The following TOLLIP variants were observed in gnomAD, a reference collection of about 807,000 sequenced individuals.
The protein encoded by TOLLIP is toll-interacting protein.
TOLLIP carries 16 observed loss-of-function variants against 33.5 expected under a neutral mutation model. The ratio of observed to expected loss-of-function variants is 0.48; its 90% CI spans 0.32 to 0.72. The LOEUF is 0.72. Ranked by LOEUF, TOLLIP falls within the 30% of genes least tolerant of loss-of-function variation. The pLI, the probability that TOLLIP is intolerant of heterozygous loss-of-function variation, is 0.03. For missense variants in TOLLIP, 325 were observed against 396.6 expected (o/e 0.82, Z 1.53); for synonymous variants, 176 against 163.7 (o/e 1.07, Z -0.57).
Position 1,294,243 on chromosome 11 carries a change from GC to G in TOLLIP, c.183+1401del, listed in dbSNP as rs745333203. ...CTCCTTTCCCTGCATTTCTACGAAA[GC>G]CCGCGTGGCTCACAGTGTGTCTCCT... On this transcript the variant is annotated intron_variant, in intron 2 of 5. Transcript: ENST00000317204. 1.3e-4 allele frequency among the ~76,000 whole-genome samples: 17 copies of G among 128,488 alleles called. No homozygotes were observed. The East Asian group carries it at 1.4e-3, about 11-fold the overall frequency. The allele number at this position is 128,488 out of a possible 152,430, so 84.3% of individuals were successfully genotyped here.
intron 4 of TOLLIP, among the ~76,000 whole-genome samples, chr11:1,287,284 G>A (rs1160013997): frequency 6.6e-6 from 1 of 152,218 alleles, no homozygotes; most frequent in Non-Finnish European, 1.5e-5. Flanking sequence ...CGTGTCATGA[G>A]ACATTTACAC....
chr11:1,280,547 G>A (rs1013244841), intron 5 of TOLLIP, among the ~76,000 whole-genome samples: 5 of 152,032 alleles, frequency 3.3e-5, no homozygotes, highest in Non-Finnish European at 2.9e-5. Flanking sequence ...CTCCAGGCCC[G>A]TGTGAAATGG....
intron 1 of TOLLIP, among the ~76,000 whole-genome samples, chr11:1,300,216 G>GT (rs1045619593): frequency 2.6e-5 from 4 of 152,134 alleles, no homozygotes; most frequent in African/African-American, 9.7e-5. Flanking sequence ...ATATTAGTCT[G>GT]TTTTAAATAT....
intron 2 of TOLLIP, among the ~76,000 whole-genome samples, chr11:1,293,962 GC>G (rs1298720244): frequency 1.3e-5 from 2 of 152,278 alleles, no homozygotes; most frequent in African/African-American, 4.8e-5. Flanking sequence ...TGACGGTGTA[GC>G]TGTGCTCACC....
At chr11:1,281,298 A>C (rs756054421) in intron 5 of TOLLIP, among the ~76,000 whole-genome samples, 1 of 152,100 alleles carries the variant, frequency 6.6e-6, no homozygotes, top group Admixed American at 6.5e-5. Context: ...ATGCGGTCAC[A>C]CTTTATTTTT....
intron 4 of TOLLIP, among the ~76,000 whole-genome samples, chr11:1,287,402 C>T (rs1296044686): frequency 5.0e-5 from 6 of 120,328 alleles, no homozygotes; most frequent in African/African-American, 9.3e-5. Context: ...GCTGCCTCCC[C>T]GCCGCAGCCT....
chr11:1,299,415 GGA>G (rs1286157202), intron 1 of TOLLIP, among the ~76,000 whole-genome samples: 3 of 152,170 alleles, frequency 2.0e-5, no homozygotes, highest in Non-Finnish European at 4.4e-5. Flanking sequence ...GAGTCACAGG[GGA>G]GAGAGTCCAG....
intron 2 of TOLLIP, among the ~76,000 whole-genome samples, chr11:1,293,079 G>A (rs762530134): frequency 6.6e-5 from 10 of 152,058 alleles, no homozygotes; most frequent in African/African-American, 1.2e-4. Context: ...AGGCCTGGAC[G>A]GGCTGAAGGT....
intron 1 of TOLLIP, chr11:1,305,887 C>T (rs548271007): frequency 1.1e-4 from 17 of 152,214 alleles, no homozygotes; most frequent in African/African-American, 3.4e-4. Context: ...GCAAACGTCC[C>T]GAGATCTCAC....
In TOLLIP at chr11:1,276,767, T is replaced by A. The variant is rs553698556; in HGVS notation, c.*272A>T. ...AGCAAGAGCATTTTCCAGAACGGCATGAGAAGGAGAGACGCACGTCCCAGG... is the reference window on the plus strand; with the variant it reads ...AGCAAGAGCATTTTCCAGAACGGCAAGAGAAGGAGAGACGCACGTCCCAGG... On this transcript the variant is annotated 3_prime_UTR_variant, in exon 6 of 6. Transcript: ENST00000317204. The A allele has an allele frequency of 3.7e-5, 55 of 1,490,084 alleles. No homozygotes were observed. Among genetic ancestry groups the A allele is most frequent in the Non-Finnish European group, 4.7e-5 (53 of 1,117,764 alleles). The allele number at this position is 1,490,084 out of a possible 1,614,324, so 92.3% of individuals were successfully genotyped here.
intron 1 of TOLLIP, among the ~76,000 whole-genome samples, chr11:1,304,178 C>T (rs532749598): frequency 2.0e-5 from 3 of 152,268 alleles, no homozygotes; most frequent in African/African-American, 4.8e-5. Flanking sequence ...AGCAGCCACT[C>T]CAGGAGCCAG....
chr11:1,307,517 C>T (rs1410145977), intron 1 of TOLLIP, among the ~76,000 whole-genome samples: 1 of 152,240 alleles, frequency 6.6e-6, no homozygotes, highest in African/African-American at 2.4e-5. Context: ...AGTCCTACAC[C>T]CCAGTGGGGT....
rs1035741901 is a variant in TOLLIP, at chr11:1,288,719, G to C, written c.424C>G (p.Leu142Val). The change falls in exon 4 of 6, where the codon CTG (leucine) becomes GTG (valine). Residue 142 changes from leucine (L) to valine (V), a missense_variant. Transcript: ENST00000317204. ...AWTHITIPESLRQGKVEDKWY... is the reference protein window; with the variant it reads ...AWTHITIPESVRQGKVEDKWY... ...TTGTCCTCCACCTTGCCCTGCCTCA[G>C]GGACTCCGGGATGGTGATGTGGGTC... The C allele has an allele frequency of 3.1e-6, 5 of 1,612,970 alleles. No individual in the cohort carries two copies. The highest frequency in any genetic ancestry group is 4.2e-6 in the Non-Finnish European group (5 of 1,179,874).
In TOLLIP at chr11:1,285,537, C is replaced by T. The variant is rs532466745; in HGVS notation, c.610+465G>A. Among the ~76,000 whole-genome samples the T allele has an allele frequency of 8.5e-5, 13 of 152,358 alleles. No homozygotes were observed. The South Asian group carries it at 1.0e-3, about 12-fold the overall frequency. ...TGACACACGACAACAGACGCAACAGCGCAGTAGAGAGCACGCATCACCCAA... is the reference window on the plus strand; with the variant it reads ...TGACACACGACAACAGACGCAACAGTGCAGTAGAGAGCACGCATCACCCAA... On this transcript the variant is annotated intron_variant, in intron 5 of 5. Transcript: ENST00000317204.
chr11:1,291,545 C>G (rs56128747), intron 2 of TOLLIP, among the ~76,000 whole-genome samples: 297 of 150,480 alleles, frequency 2.0e-3, no homozygotes, highest in Middle Eastern at 6.9e-3. Flanking sequence ...GAAGGCACGG[C>G]CACCCCATCC....
At chr11:1,308,915 T>C (rs12796761) in intron 1 of TOLLIP, among the ~76,000 whole-genome samples, 3 of 19,278 alleles carry the variant, frequency 1.6e-4, no homozygotes, top group South Asian at 1.5e-3. Flanking sequence ...CCCGCCTCCA[T>C]CTAGGGTGCC....
At chr11:1,292,461 T>C (rs1863981262) in intron 2 of TOLLIP, among the ~76,000 whole-genome samples, 1 of 152,256 alleles carries the variant, frequency 6.6e-6, no homozygotes, top group Non-Finnish European at 1.5e-5. Flanking sequence ...GGATCCTGCC[T>C]GCTTCTGCCA....
Position 1,291,870 on chromosome 11 carries a change from C to T in TOLLIP, c.184-1461G>A, listed in dbSNP as rs755327679. 61 of 160,416 alleles carry T rather than the reference C, an allele frequency of 3.8e-4. No homozygotes were observed. In the Middle Eastern group the frequency reaches 0.022, roughly 57 times the overall value. 9.9% of individuals were successfully genotyped at this position (160,416 alleles called of 1,614,324 possible). A position where few individuals can be genotyped will look rare whatever the true frequency, so the allele number is the denominator to read the frequency against. The stretch of plus-strand genomic sequence containing the variant: ...CCGTCCTCACCGACCCCCGAGGGCA[C>T]GGCTGTCCCGTCCACGCCAACCCTC... On this transcript the variant is annotated intron_variant, in intron 2 of 5. Transcript: ENST00000317204.
chr11:1,297,247 C>T (rs1164588002), intron 1 of TOLLIP, among the ~76,000 whole-genome samples: 2 of 152,174 alleles, frequency 1.3e-5, no homozygotes, highest in Non-Finnish European at 2.9e-5. Flanking sequence ...CCCAATGACA[C>T]GGTGCCAGGC....
Sources: gnomAD v4.1 joint callset for allele counts (sites outside exome capture counted in the v4.1 genomes callset) on GRCh38, gnomAD v4.1.1 for gene constraint, MANE v1.5 for transcripts, NCBI Gene and HGNC (gene_info 2026-07-23, HGNC 2026-07-21) for gene names.